Variants in TMEM235 observed in about 807,000 individuals in gnomAD.
TMEM235 encodes claudin-27.
A neutral mutation model predicts 22.9 loss-of-function variants in TMEM235; 23 were observed. That is an observed-to-expected ratio of 1.00 (90% CI 0.72 to 1.42). The LOEUF (loss-of-function observed/expected upper bound fraction) is 1.42, where lower values mean the gene tolerates loss of function less well. Among genes scored for constraint, TMEM235 ranks in the 40% most tolerant of loss-of-function variants. The probability of loss-of-function intolerance (pLI) is 0.00; values close to 1 mark genes in which losing one functional copy is unlikely to be tolerated. For synonymous variants in TMEM235, 137 were observed against 140.5 expected (o/e 0.98, Z 0.17); for missense variants, 308 against 299.5 (o/e 1.03, Z -0.21).
chr17:78,231,472 G>A (rs1044732154), exon 2 of TMEM235: 15 of 1,303,200 alleles, frequency 1.2e-5, no homozygotes, highest in Non-Finnish European at 1.4e-5. Context: ...GCACTTCACC[G>A]GATGCCGTCT....
Position 78,233,913 on chromosome 17 carries a change from C to G in TMEM235, c.209C>G (p.Pro70Arg), listed in dbSNP as rs779048712. ...TTCCCAGGGCAGAACGGCTGCATCC[C>G]GCTGGTCGACCCTTTTGCCAGTGAG... The change falls in exon 3 of 6, where the codon CCG becomes CGG. Residue 70 changes from proline (P) to arginine (R), a missense_variant. This residue lies in a region of TMEM235 where 285 missense variants were observed against 256.2 expected (regional missense o/e 1.11). Coordinates refer to ENST00000421688, the Ensembl canonical transcript of TMEM235. 7.8e-6 allele frequency: 12 copies of G among 1,535,938 alleles called. No homozygotes were observed. Among genetic ancestry groups the G allele is most frequent in the Middle Eastern group, 1.7e-4 (1 of 5,988 alleles).
exon 5 of TMEM235, chr17:78,239,127 C>A (rs762901668): frequency 6.5e-7 from 1 of 1,543,318 alleles, no homozygotes; most frequent in East Asian, 2.4e-5. Context: ...AGGGCGTCCG[C>A]GTCAGCTTCG....
At chr17:78,234,517 G>A (rs2076620769) in intron 3 of TMEM235, 76 bp from the exon 3 acceptor site, 3 of 1,523,248 alleles carry the variant, frequency 2.0e-6, no homozygotes, top group East Asian at 2.5e-5. Flanking sequence ...GAAGCACCAC[G>A]TCACTGTCCT....
At chr17:78,234,053 T>C in intron 3 of TMEM235, 78 bp downstream of exon 2, 1 of 1,287,252 alleles carries the variant, frequency 7.8e-7, no homozygotes, top group African/African-American at 1.5e-5. Flanking sequence ...CCCATCCCCA[T>C]CCCGCAGCAC....
intron 5 of TMEM235, among the ~76,000 whole-genome samples, chr17:78,239,519 A>G (rs2076685651): frequency 6.6e-6 from 1 of 152,078 alleles, no homozygotes; most frequent in Non-Finnish European, 1.5e-5. Context: ...CGCCTCTTAG[A>G]GATGAGAAGA....
intron 1 of TMEM235, chr17:78,231,348 G>A: frequency 1.7e-6 from 2 of 1,191,178 alleles, no homozygotes; most frequent in Non-Finnish European, 2.2e-6. Context: ...CTCCGTGAGT[G>A]ACTGGACAGG....
Position 78,237,076 on chromosome 17 carries a change from A to G in TMEM235, c.410-1948A>G, listed in dbSNP as rs1289061320. On this transcript the variant is annotated intron_variant, in intron 4 of 5. Transcript: ENST00000421688. This position sits in a 1 kb window ranked among gnomAD's most constrained non-coding sequence, Gnocchi z 4.7. ...GTGCCTGGGAGCGAAGGCACCGGCT[A>G]GGGGGTGGAGGGGCCGGAGGTAGCT... Among the ~76,000 whole-genome samples the G allele has an allele frequency of 6.6e-6, 1 of 152,122 alleles. No homozygotes were observed. Among genetic ancestry groups the G allele is most frequent in the Non-Finnish European group, 1.5e-5 (1 of 68,004 alleles).
At chr17:78,235,084 A>G (rs1353677607) in intron 4 of TMEM235, among the ~76,000 whole-genome samples, 1 of 152,166 alleles carries the variant, frequency 6.6e-6, no homozygotes, top group East Asian at 1.9e-4. Flanking sequence ...GTAAAACCCC[A>G]TCTTTACTAA....
In TMEM235 at chr17:78,237,036, C is replaced by G. The variant is rs931504902; in HGVS notation, c.410-1988C>G. ...GTAACCAGAAGAACTTACAGGGACACGGACCCTCTGCATTGTGCCTGGGAG... is the reference window on the plus strand; with the variant it reads ...GTAACCAGAAGAACTTACAGGGACAGGGACCCTCTGCATTGTGCCTGGGAG... On this transcript the variant is annotated intron_variant, in intron 4 of 5. Transcript: ENST00000421688. This position sits in a 1 kb window ranked among gnomAD's most constrained non-coding sequence, Gnocchi z 4.7. 6.6e-6 allele frequency among the ~76,000 whole-genome samples: 1 copy of G among 152,196 alleles called. No individual in the cohort carries two copies. Among genetic ancestry groups the G allele is most frequent in the Admixed American group, 6.5e-5 (1 of 15,282 alleles).
chr17:78,239,855 C>T (rs1224586971), exon 6 of TMEM235: 1 of 1,551,542 alleles, frequency 6.4e-7, no homozygotes, highest in African/African-American at 1.4e-5. Context: ...CGTCTCAGGC[C>T]AAGGCCTCCC....
chr17:78,235,658 T>C (rs1384425126), intron 4 of TMEM235, among the ~76,000 whole-genome samples: 2 of 144,822 alleles, frequency 1.4e-5, no homozygotes, highest in South Asian at 2.2e-4. Context: ...TGGAGTGCAG[T>C]GGCGCAATCT....
chr17:78,238,966 T>A lies in TMEM235; in HGVS notation c.410-58T>A. Reference sequence around the variant, plus strand: ...CTGAGGCCATGTCTGCAGGACCACCTGGGCCTGGGCCCGCTAGAGCAGACA... The same window carrying A: ...CTGAGGCCATGTCTGCAGGACCACCAGGGCCTGGGCCCGCTAGAGCAGACA... On this transcript the variant is annotated intron_variant, in intron 4 of 5. Coordinates refer to ENST00000421688, the Ensembl canonical transcript of TMEM235. This position sits in a 1 kb window ranked among gnomAD's most constrained non-coding sequence, Gnocchi z 4.3. The A allele has an allele frequency of 1.3e-6, 2 of 1,498,574 alleles. No individual in the cohort carries two copies. Among genetic ancestry groups the A allele is most frequent in the Non-Finnish European group, 8.9e-7 (1 of 1,121,868 alleles). 92.8% of individuals were successfully genotyped at this position (1,498,574 alleles called of 1,614,324 possible).
At chr17:78,233,643 C>G (rs906846189) in intron 2 of TMEM235, among the ~76,000 whole-genome samples, 1 of 151,074 alleles carries the variant, frequency 6.6e-6, no homozygotes, top group South Asian at 2.1e-4. Flanking sequence ...TGCAGTGAAC[C>G]GAGATCGCGC....
exon 2 of TMEM235, chr17:78,231,943 C>T (rs2076584889): frequency 9.8e-7 from 1 of 1,022,594 alleles, no homozygotes. Context: ...CCCCCCGTCC[C>T]CCGGCTCCCG....
At chr17:78,233,682 C>G (rs558787261) in intron 2 of TMEM235, among the ~76,000 whole-genome samples, 1 of 147,208 alleles carries the variant, frequency 6.8e-6, no homozygotes, top group Non-Finnish European at 1.5e-5. Flanking sequence ...GGTGACAGAG[C>G]GAGACTCCAT....
At chr17:78,239,751 T>C in intron 5 of TMEM235, 29 bp from the exon 5 acceptor site, 1 of 1,527,672 alleles carries the variant, frequency 6.5e-7, no homozygotes, top group Non-Finnish European at 8.9e-7. Flanking sequence ...ATGGCCCTAC[T>C]CAATGACTAC....
chr17:78,234,204 G>T (rs2076616751), intron 3 of TMEM235: 1 of 701,404 alleles, frequency 1.4e-6, no homozygotes, highest in Non-Finnish European at 2.6e-6. Flanking sequence ...CAGTGGTGAT[G>T]GCTCATCCCT....
In TMEM235 at chr17:78,240,302, CCAGGGCTGCCTAGGGTGGCG is replaced by C. The variant is rs768560607; in HGVS notation, c.*519_*538del. 96 of 251,428 alleles carry C rather than the reference CCAGGGCTGCCTAGGGTGGCG, an allele frequency of 3.8e-4. 1 individual carries two copies. Among genetic ancestry groups the C allele is most frequent in the Admixed American group, 2.6e-4 (6 of 23,118 alleles). 15.6% of individuals were successfully genotyped at this position (251,428 alleles called of 1,614,324 possible). A position where few individuals can be genotyped will look rare whatever the true frequency, so the allele number is the denominator to read the frequency against. On this transcript the variant is annotated 3_prime_UTR_variant, in exon 6 of 6. Transcript: ENST00000421688. ...TGAGGGTGCTTCTTGACCACAGGGG[CCAGGGCTGCCTAGGGTGGCG>C]CAGGGCTGGGCCTGGAGTTTGGGAT...
At chr17:78,235,201 A>G (rs949003436) in intron 4 of TMEM235, among the ~76,000 whole-genome samples, 1 of 152,240 alleles carries the variant, frequency 6.6e-6, no homozygotes, top group Non-Finnish European at 1.5e-5. Flanking sequence ...GGCCTCAGGA[A>G]AATGACAATC....
Sources: gnomAD v4.1 joint callset for allele counts (sites outside exome capture counted in the v4.1 genomes callset) on GRCh38, gnomAD v4.1.1 for gene constraint, gnomAD v4.1.1 regional missense constraint, Gnocchi (gnomAD v3.1) non-coding constraint, MANE v1.5 for transcripts, NCBI Gene and HGNC (gene_info 2026-07-23, HGNC 2026-07-21) for gene names.